HCRTR2: variants seen among roughly 807,000 people sequenced by gnomAD.
The protein encoded by HCRTR2 is hypocretin receptor 2.
Under a neutral mutation model 49.0 loss-of-function variants are expected in HCRTR2, and 22 were observed. That is an observed-to-expected ratio of 0.45 (90% CI 0.32 to 0.64). The LOEUF (loss-of-function observed/expected upper bound fraction) is 0.64, where lower values mean the gene tolerates loss of function less well. Ranked by LOEUF, HCRTR2 falls within the 30% of genes least tolerant of loss-of-function variation. HCRTR2 has a pLI of 0.04. For missense variants in HCRTR2, 491 were observed against 559.4 expected (o/e 0.88, Z 1.23); for synonymous variants, 236 against 205.3 (o/e 1.15, Z -1.28).
At chr6:55,235,916 G>A (rs1766205161) in intron 1 of HCRTR2, among the ~76,000 whole-genome samples, 1 of 151,734 alleles carries the variant, frequency 6.6e-6, no homozygotes, top group African/African-American at 2.4e-5. Flanking sequence ...CTGACACTTT[G>A]TATTAATATT....
At chr6:55,137,052 G>A (rs1352521429) in intron 1 of HCRTR2, among the ~76,000 whole-genome samples, 1 of 152,204 alleles carries the variant, frequency 6.6e-6, no homozygotes, top group African/African-American at 2.4e-5. Context: ...GAACCAGAAA[G>A]GGAGGAGAAT....
intron 1 of HCRTR2, among the ~76,000 whole-genome samples, chr6:55,225,127 TTTTA>T (rs1446384684): frequency 6.6e-6 from 1 of 152,174 alleles, no homozygotes; most frequent in Admixed American, 6.5e-5. Context: ...TATATACAAT[TTTTA>T]TTTGTCAACT....
chr6:55,219,532 T>C (rs1393251536), intron 1 of HCRTR2, among the ~76,000 whole-genome samples: 1 of 152,132 alleles, frequency 6.6e-6, no homozygotes, highest in Non-Finnish European at 1.5e-5. Flanking sequence ...AAAGACAACA[T>C]ATCCAAATTT....
intron 1 of HCRTR2, among the ~76,000 whole-genome samples, chr6:55,135,619 G>C (rs1764423267): frequency 6.6e-6 from 1 of 152,100 alleles, no homozygotes; most frequent in African/African-American, 2.4e-5. Flanking sequence ...AGATAAGTAA[G>C]CCTTATAGTA....
At chr6:55,207,866 G>A (rs1765629075) in intron 1 of HCRTR2, among the ~76,000 whole-genome samples, 1 of 152,110 alleles carries the variant, frequency 6.6e-6, no homozygotes, top group African/African-American at 2.4e-5. Flanking sequence ...ACTTCTGAAT[G>A]TTAATATATA....
chr6:55,200,973 T>C (rs1765502986), intron 1 of HCRTR2, among the ~76,000 whole-genome samples: 1 of 152,150 alleles, frequency 6.6e-6, no homozygotes, highest in African/African-American at 2.4e-5. Flanking sequence ...TATCAGAGAA[T>C]GCAATTTTTT....
At chr6:55,154,724 A>T (rs944507722) in intron 1 of HCRTR2, among the ~76,000 whole-genome samples, 8 of 150,676 alleles carry the variant, frequency 5.3e-5, no homozygotes, top group African/African-American at 1.7e-4. Flanking sequence ...AAATATAAAT[A>T]AATAAATAAA....
At chr6:55,217,679 G>T (rs1192903781) in intron 1 of HCRTR2, among the ~76,000 whole-genome samples, 1 of 151,972 alleles carries the variant, frequency 6.6e-6, no homozygotes, top group African/African-American at 2.4e-5. Flanking sequence ...CTAGTATTTT[G>T]GCCATAATCA....
intron 5 of HCRTR2, among the ~76,000 whole-genome samples, chr6:55,279,713 A>G (rs1767151648): frequency 6.6e-6 from 1 of 152,124 alleles, no homozygotes; most frequent in Non-Finnish European, 1.5e-5. Flanking sequence ...AATAGTCTTT[A>G]AGGATAGCAT....
At chr6:55,127,381 C>T (rs1364430381) in intron 1 of HCRTR2, among the ~76,000 whole-genome samples, 2 of 152,106 alleles carry the variant, frequency 1.3e-5, no homozygotes, top group Non-Finnish European at 2.9e-5. Context: ...CCTGCTTCAG[C>T]TTGCCCTCCA....
upstream of HCRTR2, among the ~76,000 whole-genome samples, chr6:55,173,582 T>G (rs1030123470): frequency 1.3e-5 from 2 of 152,192 alleles, no homozygotes; most frequent in Non-Finnish European, 2.9e-5. Flanking sequence ...AAAGACCCAA[T>G]GGGATGTGGT....
chr6:55,190,818 C>T (rs982441266), intron 1 of HCRTR2, among the ~76,000 whole-genome samples: 1 of 152,094 alleles, frequency 6.6e-6, no homozygotes, highest in Non-Finnish European at 1.5e-5. Flanking sequence ...GAACGTATGC[C>T]TGACTTATCA....
chr6:55,146,283 C>A (rs1279909307), intron 1 of HCRTR2, among the ~76,000 whole-genome samples: 1 of 151,806 alleles, frequency 6.6e-6, no homozygotes. Context: ...GCCATAAAAC[C>A]TAAAGGAAGG....
intron 1 of HCRTR2, among the ~76,000 whole-genome samples, chr6:55,108,516 T>C (rs1764005592): frequency 6.6e-6 from 1 of 151,868 alleles, no homozygotes; most frequent in African/African-American, 2.4e-5. Context: ...TAAATTTTTC[T>C]AGGTAAGGTT....
upstream of HCRTR2, among the ~76,000 whole-genome samples, chr6:55,172,593 A>C (rs1764966648): frequency 6.6e-6 from 1 of 152,170 alleles, no homozygotes; most frequent in Admixed American, 6.5e-5. Flanking sequence ...TATCTATACA[A>C]TAACAGAAGT....
At chr6:55,148,249 C>T (rs9475171) in intron 1 of HCRTR2, among the ~76,000 whole-genome samples, 2,178 of 151,006 alleles carry the variant, frequency 0.014, 60 homozygotes, top group African/African-American at 0.049. Flanking sequence ...TGTGTGTGTG[C>T]GTGTGTGTGT....
At chr6:55,151,260 A>G (rs750775046) in intron 1 of HCRTR2, among the ~76,000 whole-genome samples, 1 of 151,988 alleles carries the variant, frequency 6.6e-6, no homozygotes, top group Non-Finnish European at 1.5e-5. Context: ...GTGTTATGCA[A>G]TGCTGACCGA....
chr6:55,228,430 C>T (rs1766053302), intron 1 of HCRTR2, among the ~76,000 whole-genome samples: 1 of 152,128 alleles, frequency 6.6e-6, no homozygotes, highest in Non-Finnish European at 1.5e-5. Flanking sequence ...GCATCTTTGT[C>T]TTGACATGTA....
chr6:55,209,005 C>G lies in HCRTR2; in HGVS notation c.223+34195C>G, dbSNP rs114361168. Among the ~76,000 whole-genome samples, 445 of 152,242 alleles carry G rather than the reference C, an allele frequency of 2.9e-3. 5 individuals are homozygous for G. The highest frequency in any genetic ancestry group is 0.01 in the African/African-American group (427 of 41,554). ...TGAAGACTACTTTTATCTTACTTATCATGATTCTTTTATTACATATGCATT... is the reference window on the plus strand; with the variant it reads ...TGAAGACTACTTTTATCTTACTTATGATGATTCTTTTATTACATATGCATT... On this transcript the variant is annotated intron_variant, in intron 1 of 6. Transcript: ENST00000370862.
Sources: gnomAD v4.1 joint callset for allele counts (sites outside exome capture counted in the v4.1 genomes callset) on GRCh38, gnomAD v4.1.1 for gene constraint, MANE v1.5 for transcripts, NCBI Gene and HGNC (gene_info 2026-07-23, HGNC 2026-07-21) for gene names.